GPM6A: variants seen among roughly 807,000 people sequenced by gnomAD.
The protein encoded by GPM6A is glycoprotein M6A.
GPM6A carries 7 observed loss-of-function variants against 32.1 expected under a neutral mutation model. The ratio of observed to expected loss-of-function variants is 0.22; its 90% CI spans 0.12 to 0.41. The LOEUF is 0.41. GPM6A is among the 10% of genes least tolerant of loss of function. The pLI is 1.00. For synonymous variants in GPM6A, 130 were observed against 123.4 expected (o/e 1.05, Z -0.35); for missense variants, 235 against 347.2 (o/e 0.68, Z 2.57).
rs10716525 is a variant in GPM6A, at chr4:175,861,749, GAA to G, written c.-22-49502_-22-49501del. 2.6e-3 allele frequency among the ~76,000 whole-genome samples: 226 copies of G among 87,214 alleles called. 1 individual carries two copies. The highest frequency in any genetic ancestry group is 3.9e-3 in the Non-Finnish European group (180 of 45,730). The allele number at this position is 87,214 out of a possible 152,430, so 57.2% of individuals were successfully genotyped here. On this transcript the variant is annotated intron_variant, in intron 1 of 7. Coordinates refer to the GPM6A transcript ENST00000280187. ...TGGGTGAGAGAGAGAAAGAGACTCT[GAA>G]AAAAAAAAAAAAAAAAAAGAACATG...
At chr4:175,921,084 T>C (rs900741011) in intron 1 of GPM6A, among the ~76,000 whole-genome samples, 1 of 152,180 alleles carries the variant, frequency 6.6e-6, no homozygotes, top group African/African-American at 2.4e-5. Context: ...TGTTTATATG[T>C]TTAATGTGAT....
At chr4:175,743,233 C>T (rs1731960510) in intron 1 of GPM6A, among the ~76,000 whole-genome samples, 1 of 151,216 alleles carries the variant, frequency 6.6e-6, no homozygotes. Context: ...GTACAATTAA[C>T]ACAAATGTCC....
chr4:175,727,163 T>G (rs1441726463), intron 1 of GPM6A, among the ~76,000 whole-genome samples: 1 of 152,192 alleles, frequency 6.6e-6, no homozygotes, highest in African/African-American at 2.4e-5. Flanking sequence ...CTAATTGACA[T>G]TATGTCATCG....
chr4:175,682,596 C>T (rs1405085369), intron 2 of GPM6A, among the ~76,000 whole-genome samples: 1 of 152,184 alleles, frequency 6.6e-6, no homozygotes, highest in East Asian at 1.9e-4. Flanking sequence ...TTTCAGGGGA[C>T]AAGTCCAGGG....
At chr4:175,927,650 C>T (rs370010078) in intron 1 of GPM6A, among the ~76,000 whole-genome samples, 6 of 152,150 alleles carry the variant, frequency 3.9e-5, no homozygotes, top group Admixed American at 2.6e-4. Context: ...TTTGGGAGGC[C>T]GTGGTGGGTG....
At chr4:175,722,885 A>AT (rs1553981812) in intron 1 of GPM6A, among the ~76,000 whole-genome samples, 32,650 of 75,372 alleles carry the variant, frequency 0.43, 3,740 homozygotes, top group East Asian at 0.54. Context: ...TTACAAAGAA[A>AT]TTAAAAAAAA....
At chr4:175,963,454 G>A (rs1415214306) in intron 1 of GPM6A, among the ~76,000 whole-genome samples, 1 of 152,024 alleles carries the variant, frequency 6.6e-6, no homozygotes, top group Non-Finnish European at 1.5e-5. Flanking sequence ...TAAAAATAAT[G>A]ATATCAGACT....
At chr4:175,762,774 C>T (rs1732800893) in intron 1 of GPM6A, among the ~76,000 whole-genome samples, 1 of 152,104 alleles carries the variant, frequency 6.6e-6, no homozygotes, top group Non-Finnish European at 1.5e-5. Flanking sequence ...CTTTTTCTTT[C>T]CCCACAACCC....
At chr4:175,994,038 G>A (rs1237588069) in intron 1 of GPM6A, among the ~76,000 whole-genome samples, 1 of 152,164 alleles carries the variant, frequency 6.6e-6, no homozygotes, top group Non-Finnish European at 1.5e-5. Flanking sequence ...AGAGAAAGGA[G>A]AGTTTTGAAC....
intron 1 of GPM6A, among the ~76,000 whole-genome samples, chr4:175,887,469 A>G (rs948791117): frequency 2.6e-5 from 4 of 151,964 alleles, no homozygotes; most frequent in South Asian, 4.1e-4. Context: ...AAAGAAAAAC[A>G]TTCAAACAAA....
At chr4:175,809,359 TTCAAAACAC>T (rs1560944964) in intron 1 of GPM6A, among the ~76,000 whole-genome samples, 4 of 152,056 alleles carry the variant, frequency 2.6e-5, no homozygotes, top group Non-Finnish European at 2.9e-5. Flanking sequence ...AAAGACCAAA[TTCAAAACAC>T]TCTTTTCTTT....
chr4:175,755,834 C>T (rs1732502875), intron 1 of GPM6A, among the ~76,000 whole-genome samples: 1 of 152,162 alleles, frequency 6.6e-6, no homozygotes, highest in Admixed American at 6.6e-5. Context: ...CAGCATTTTA[C>T]TTGATGGCTT....
At chr4:175,865,391 C>T (rs1736703087) in intron 1 of GPM6A, among the ~76,000 whole-genome samples, 2 of 152,134 alleles carry the variant, frequency 1.3e-5, no homozygotes, top group African/African-American at 4.8e-5. Flanking sequence ...TTCTTTTTCA[C>T]AATTGTTTTA....
At chr4:175,752,610 G>A (rs146925026) in intron 1 of GPM6A, among the ~76,000 whole-genome samples, 114 of 152,222 alleles carry the variant, frequency 7.5e-4, no homozygotes, top group African/African-American at 2.6e-3. Flanking sequence ...TTTGAAGGTT[G>A]GTTTCAAGTC....
At chr4:175,741,415 A>G (rs911020773) in intron 1 of GPM6A, among the ~76,000 whole-genome samples, 1 of 152,000 alleles carries the variant, frequency 6.6e-6, no homozygotes, top group Non-Finnish European at 1.5e-5. Flanking sequence ...ATTTTTTCAC[A>G]TTGCCACCAT....
chr4:175,990,394 T>C (rs1461039145), intron 1 of GPM6A, among the ~76,000 whole-genome samples: 2 of 152,192 alleles, frequency 1.3e-5, no homozygotes, highest in African/African-American at 2.4e-5. Context: ...TTACCAATGA[T>C]TATATTTAAT....
intron 1 of GPM6A, among the ~76,000 whole-genome samples, chr4:175,862,898 T>A (rs1736616073): frequency 6.6e-6 from 1 of 152,158 alleles, no homozygotes; most frequent in Non-Finnish European, 1.5e-5. Flanking sequence ...GCTTTGTGTT[T>A]TTCCAAAGTC....
chr4:175,978,226 G>C (rs930683145), intron 1 of GPM6A, among the ~76,000 whole-genome samples: 8 of 152,152 alleles, frequency 5.3e-5, no homozygotes, highest in Non-Finnish European at 1.0e-4. Context: ...GAAGGTGAAA[G>C]GGAAGCAGGC....
At chr4:175,800,727 T>TC (rs1289961282) in intron 1 of GPM6A, 2 of 192,156 alleles carry the variant, frequency 1.0e-5, no homozygotes, top group Non-Finnish European at 2.3e-5. Flanking sequence ...ATGCCTGGGT[T>TC]ACATTCAATA....
Sources: allele counts gnomAD v4.1 joint callset (sites outside exome capture counted in the v4.1 genomes callset), GRCh38; gene constraint gnomAD v4.1.1; transcripts MANE v1.5; gene names NCBI Gene and HGNC (gene_info 2026-07-23, HGNC 2026-07-21).